Variants in NFIA observed in about 807,000 individuals in gnomAD.
NFIA encodes nuclear factor I A.
Under a neutral mutation model 62.8 loss-of-function variants are expected in NFIA, and 8 were observed. That is an observed-to-expected ratio of 0.13 (90% CI 0.07 to 0.23). The LOEUF (loss-of-function observed/expected upper bound fraction) is 0.23, where lower values mean the gene tolerates loss of function less well. Ranked by LOEUF, NFIA falls within the 10% of genes least tolerant of loss-of-function variation. The pLI is 1.00. For synonymous variants in NFIA, 235 were observed against 238.1 expected, an observed-to-expected ratio of 0.99 and a Z score of 0.12; for missense variants, 410 against 642.1, an observed-to-expected ratio of 0.64 and a Z score of 3.91.
intron 2 of NFIA, among the ~76,000 whole-genome samples, chr1:61,191,993 T>G (rs182211266): frequency 6.6e-6 from 1 of 152,170 alleles, no homozygotes; most frequent in East Asian, 1.9e-4. Context: ...GGAGTCTTGC[T>G]CTGGTGCCCA....
chr1:61,095,561 A>G (rs1266211037), intron 2 of NFIA, among the ~76,000 whole-genome samples: 1 of 152,166 alleles, frequency 6.6e-6, no homozygotes, highest in African/African-American at 2.4e-5. Context: ...AAAAGTCAAA[A>G]TCCAAACCCC....
Position 61,161,586 on chromosome 1 carries a change from AACACACACAC to A in NFIA, c.559+72931_559+72940del, listed in dbSNP as rs56383204. 9.8e-3 allele frequency among the ~76,000 whole-genome samples: 1,460 copies of A among 149,388 alleles called. 29 individuals are homozygous for A. The highest frequency in any genetic ancestry group is 0.03 in the African/African-American group (1,236 of 40,896). ...TTCTCTCTAGACATGCGCCATGTGC[AACACACACAC>A]ACACACACACACACACACACACACG... On this transcript the variant is annotated intron_variant, in intron 2 of 10. Coordinates refer to ENST00000403491, the MANE Select transcript of NFIA (RefSeq NM_001134673.4).
At chr1:61,254,007 G>A (rs755601286) in intron 2 of NFIA, among the ~76,000 whole-genome samples, 3 of 152,070 alleles carry the variant, frequency 2.0e-5, no homozygotes, top group Non-Finnish European at 4.4e-5. Flanking sequence ...GTTGTTACTG[G>A]TGGTGGTGGT....
intron 2 of NFIA, among the ~76,000 whole-genome samples, chr1:61,228,286 A>G (rs1654456209): frequency 6.6e-6 from 1 of 152,178 alleles, no homozygotes; most frequent in African/African-American, 2.4e-5. Flanking sequence ...CATTTTGGCC[A>G]AAGTCCTGTG....
chr1:61,320,060 C>T (rs1660598922), intron 3 of NFIA, among the ~76,000 whole-genome samples: 1 of 151,966 alleles, frequency 6.6e-6, no homozygotes, highest in Non-Finnish European at 1.5e-5. Context: ...ATGCTGATTT[C>T]TGTTGTCAAA....
At chr1:61,086,908 A>G (rs558016661) in intron 1 of NFIA, among the ~76,000 whole-genome samples, 1 of 152,272 alleles carries the variant, frequency 6.6e-6, no homozygotes, top group East Asian at 1.9e-4. Context: ...ATTTAGCAAA[A>G]AAGCCATCGA....
At chr1:61,453,689 C>T (rs1668174955) in intron 10 of NFIA, among the ~76,000 whole-genome samples, 3 of 152,106 alleles carry the variant, frequency 2.0e-5, no homozygotes, top group Non-Finnish European at 2.9e-5. Context: ...TCCCCGCACC[C>T]AAAGTTTGAA....
intron 3 of NFIA, among the ~76,000 whole-genome samples, chr1:61,283,909 T>C (rs1346912037): frequency 3.9e-5 from 6 of 152,208 alleles, no homozygotes; most frequent in Non-Finnish European, 7.3e-5. Flanking sequence ...TTGATGAATG[T>C]GTCATTTAGT....
At chr1:61,208,241 A>G (rs898187115) in intron 2 of NFIA, among the ~76,000 whole-genome samples, 2 of 152,124 alleles carry the variant, frequency 1.3e-5, no homozygotes, top group African/African-American at 4.8e-5. Flanking sequence ...AAAATCTTGC[A>G]TCTGAAAATC....
At chr1:61,424,173 A>G (rs1009032491) in intron 9 of NFIA, among the ~76,000 whole-genome samples, 3 of 152,210 alleles carry the variant, frequency 2.0e-5, no homozygotes, top group Admixed American at 6.5e-5. Context: ...AAGAGAAAAT[A>G]TCTGATTGTT....
intron 7 of NFIA, among the ~76,000 whole-genome samples, chr1:61,399,161 T>C (rs564770898): frequency 1.3e-5 from 2 of 152,198 alleles, no homozygotes; most frequent in Admixed American, 6.5e-5. Context: ...GTTTTTCTTA[T>C]AATGGCGCTA....
intron 2 of NFIA, among the ~76,000 whole-genome samples, chr1:61,094,631 AT>A (rs1646380190): frequency 6.6e-6 from 1 of 152,180 alleles, no homozygotes; most frequent in Non-Finnish European, 1.5e-5. Flanking sequence ...AGTTCAGAGT[AT>A]TGTCAAATTT....
intron 2 of NFIA, among the ~76,000 whole-genome samples, chr1:61,095,664 G>A (rs1646399038): frequency 6.6e-6 from 1 of 152,142 alleles, no homozygotes; most frequent in African/African-American, 2.4e-5. Flanking sequence ...ACTTGTCACT[G>A]TTAGGGTCAA....
At chr1:61,103,183 G>T (rs1433646283) in intron 2 of NFIA, among the ~76,000 whole-genome samples, 1 of 152,166 alleles carries the variant, frequency 6.6e-6, no homozygotes, top group East Asian at 1.9e-4. Flanking sequence ...ATGTGAAAAT[G>T]TTGGTACATG....
chr1:61,365,239 A>C (rs1390580657), intron 6 of NFIA, among the ~76,000 whole-genome samples: 1 of 152,146 alleles, frequency 6.6e-6, no homozygotes, highest in Admixed American at 6.5e-5. Flanking sequence ...CACCTAGACC[A>C]ACAGAATTTT....
At chr1:61,364,937 C>A (rs937366472) in intron 6 of NFIA, among the ~76,000 whole-genome samples, 2 of 152,116 alleles carry the variant, frequency 1.3e-5, no homozygotes, top group African/African-American at 2.4e-5. Context: ...GAACCCTGGC[C>A]GGGCATGGGG....
chr1:61,350,289 T>C (rs1269378406), intron 4 of NFIA, among the ~76,000 whole-genome samples: 1 of 152,168 alleles, frequency 6.6e-6, no homozygotes, highest in East Asian at 1.9e-4. Context: ...TAATAGCTTA[T>C]AAACTTGGGA....
intron 3 of NFIA, among the ~76,000 whole-genome samples, chr1:61,310,404 G>A (rs1420753328): frequency 1.3e-5 from 2 of 152,184 alleles, no homozygotes; most frequent in Non-Finnish European, 2.9e-5. Context: ...GTGAGGAGGC[G>A]ATGCTGGTGC....
chr1:61,185,070 C>T (rs569898904), intron 2 of NFIA, among the ~76,000 whole-genome samples: 29 of 152,170 alleles, frequency 1.9e-4, no homozygotes, highest in Non-Finnish European at 3.5e-4. Flanking sequence ...GCTGCAAATT[C>T]CAAATATGAA....
Sources: gnomAD v4.1 joint callset for allele counts (sites outside exome capture counted in the v4.1 genomes callset) on GRCh38, gnomAD v4.1.1 for gene constraint, MANE v1.5 for transcripts, NCBI Gene and HGNC (gene_info 2026-07-23, HGNC 2026-07-21) for gene names.